Variants in AP3B1 observed in about 807,000 individuals in gnomAD.
AP3B1 encodes the protein AP-3 complex subunit beta-1.
Under a neutral mutation model 132.5 loss-of-function variants are expected in AP3B1, and 61 were observed. The observed-to-expected ratio is 0.46, with a 90% confidence interval of 0.37 to 0.57. The LOEUF is 0.57. Ranked by LOEUF, AP3B1 falls within the 20% of genes least tolerant of loss-of-function variation. The pLI is 0.00. For synonymous variants in AP3B1, 388 were observed against 438.3 expected (o/e 0.89, Z 1.43); for missense variants, 1,120 against 1,289.4 (o/e 0.87, Z 2.01).
intron 2 of AP3B1, among the ~76,000 whole-genome samples, chr5:78,248,492 C>CAAAAAAAAAAAAAAAA (rs34983157): frequency 1.4e-5 from 1 of 71,356 alleles, no homozygotes; most frequent in Non-Finnish European, 2.5e-5. Flanking sequence ...GACTCTGTCT[C>CAAAAAAAAAAAAAAAA]AAAAAAAAAA....
In AP3B1 at chr5:78,002,603, G is replaced by C; in HGVS notation, c.*299C>G. 3.5e-6 allele frequency: 2 copies of C among 574,076 alleles called. No individual in the cohort carries two copies. The highest frequency in any genetic ancestry group is 3.1e-6 in the Non-Finnish European group (1 of 324,454). 35.6% of individuals were successfully genotyped at this position (574,076 alleles called of 1,614,324 possible). On this transcript the variant is annotated 3_prime_UTR_variant, in exon 27 of 27. Transcript: ENST00000255194. ...ATTCATGTCTACCATTGTCGAAAAAGAGAAGGAAAACGAGGAGGCCAAAAG... is the reference window on the plus strand; with the variant it reads ...ATTCATGTCTACCATTGTCGAAAAACAGAAGGAAAACGAGGAGGCCAAAAG...
At chr5:78,128,322 T>C (rs1752551429) in intron 16 of AP3B1, among the ~76,000 whole-genome samples, 162 bp from the exon 17 acceptor site, 1 of 152,148 alleles carries the variant, frequency 6.6e-6, no homozygotes, top group Admixed American at 6.5e-5. Flanking sequence ...TTTCAGTCCA[T>C]AGATTACAAT....
chr5:78,100,703 A>G (rs1168052116), intron 21 of AP3B1, among the ~76,000 whole-genome samples: 1 of 152,238 alleles, frequency 6.6e-6, no homozygotes, highest in East Asian at 1.9e-4. Context: ...TACTAAAGCA[A>G]AAGATTTTAA....
chr5:78,205,159 T>A (rs1004647302), intron 7 of AP3B1, among the ~76,000 whole-genome samples: 1 of 151,148 alleles, frequency 6.6e-6, no homozygotes, highest in African/African-American at 2.5e-5. Flanking sequence ...TCACTAACAA[T>A]ATACGACATA....
intron 21 of AP3B1, among the ~76,000 whole-genome samples, chr5:78,089,826 T>G (rs923654842): frequency 6.6e-6 from 1 of 152,214 alleles, no homozygotes; most frequent in Admixed American, 6.5e-5. Flanking sequence ...AACATTTTTT[T>G]TCCAGACTAT....
intron 25 of AP3B1, among the ~76,000 whole-genome samples, chr5:78,019,497 A>G (rs1237188648): frequency 6.6e-6 from 1 of 152,172 alleles, no homozygotes; most frequent in Non-Finnish European, 1.5e-5. Flanking sequence ...TAAAGCAGAG[A>G]GGCAGGCTTT....
At chr5:78,159,970 A>G (rs956477281) in intron 13 of AP3B1, among the ~76,000 whole-genome samples, 40 of 152,246 alleles carry the variant, frequency 2.6e-4, no homozygotes, top group African/African-American at 9.2e-4. Flanking sequence ...TACTCATTTT[A>G]CAAATGAAGA....
At chr5:78,211,915 A>C (rs1203137648) in intron 7 of AP3B1, among the ~76,000 whole-genome samples, 1 of 152,226 alleles carries the variant, frequency 6.6e-6, no homozygotes, top group Non-Finnish European at 1.5e-5. Flanking sequence ...TAAAATCTGT[A>C]TATATCAATT....
intron 22 of AP3B1, chr5:78,088,865 T>A (rs932275813): frequency 6.5e-6 from 1 of 153,544 alleles, no homozygotes; most frequent in South Asian, 2.0e-4. Flanking sequence ...TTGTGACAGG[T>A]AGGTTCTAGC....
intron 6 of AP3B1, among the ~76,000 whole-genome samples, chr5:78,216,822 C>A (rs1265795321): frequency 2.0e-5 from 3 of 152,070 alleles, no homozygotes; most frequent in Admixed American, 2.0e-4. Flanking sequence ...TAGAACATCA[C>A]CTGGGCTCTT....
intron 20 of AP3B1, among the ~76,000 whole-genome samples, chr5:78,107,662 C>T (rs1751393124): frequency 1.3e-5 from 2 of 152,098 alleles, no homozygotes; most frequent in Admixed American, 1.3e-4. Flanking sequence ...AGAGCAGAAA[C>T]ACTGACCGTG....
At chr5:78,086,981 G>T (rs574827607) in intron 22 of AP3B1, among the ~76,000 whole-genome samples, 5 of 152,042 alleles carry the variant, frequency 3.3e-5, no homozygotes, top group Non-Finnish European at 7.4e-5. Flanking sequence ...TTGCGTTGCC[G>T]AATAACACAC....
At chr5:78,081,215 G>C (rs1749985121) in intron 22 of AP3B1, among the ~76,000 whole-genome samples, 1 of 151,530 alleles carries the variant, frequency 6.6e-6, no homozygotes, top group African/African-American at 2.4e-5. Context: ...GTTTTCTTCA[G>C]CACAGAATAC....
chr5:78,124,245 G>C (rs916498681), intron 17 of AP3B1, among the ~76,000 whole-genome samples: 1 of 152,150 alleles, frequency 6.6e-6, no homozygotes, highest in Admixed American at 6.5e-5. Context: ...TATACCTAAT[G>C]CTAAATGACG....
intron 22 of AP3B1, among the ~76,000 whole-genome samples, chr5:78,087,122 T>C (rs1038133457): frequency 3.9e-5 from 6 of 152,174 alleles, no homozygotes; most frequent in African/African-American, 1.2e-4. Flanking sequence ...TTATTATATA[T>C]TACTTTTATT....
At chr5:78,261,996 T>G (rs923010726) in intron 2 of AP3B1, among the ~76,000 whole-genome samples, 1 of 152,108 alleles carries the variant, frequency 6.6e-6, no homozygotes, top group Non-Finnish European at 1.5e-5. Flanking sequence ...CTCAAACTCC[T>G]GACCTCAAGT....
At chr5:78,044,439 A>G (rs1275097532) in intron 22 of AP3B1, among the ~76,000 whole-genome samples, 1 of 152,248 alleles carries the variant, frequency 6.6e-6, no homozygotes, top group African/African-American at 2.4e-5. Context: ...ATTGTTCCAC[A>G]AACATATTTG....
intron 3 of AP3B1, among the ~76,000 whole-genome samples, chr5:78,238,395 A>T (rs1336284139): frequency 1.3e-5 from 2 of 152,192 alleles, no homozygotes; most frequent in African/African-American, 4.8e-5. Context: ...TAATAGAAAT[A>T]AAGTGCACCA....
At chr5:78,151,613 A>C (rs1406206585) in intron 14 of AP3B1, among the ~76,000 whole-genome samples, 1 of 152,130 alleles carries the variant, frequency 6.6e-6, no homozygotes, top group African/African-American at 2.4e-5. Context: ...TGAAATCATC[A>C]TATGTTTTTT....
Sources: gnomAD v4.1 joint callset for allele counts (sites outside exome capture counted in the v4.1 genomes callset) on GRCh38, gnomAD v4.1.1 for gene constraint, MANE v1.5 for transcripts, NCBI Gene and HGNC (gene_info 2026-07-23, HGNC 2026-07-21) for gene names.